CDH18: variants seen among roughly 807,000 people sequenced by gnomAD.
CDH18 encodes the protein cadherin-18.
Under a neutral mutation model 67.9 loss-of-function variants are expected in CDH18, and 31 were observed. The observed-to-expected ratio is 0.46, with a 90% CI of 0.34 to 0.62. The LOEUF (loss-of-function observed/expected upper bound fraction) is 0.62. Among genes scored for constraint, CDH18 ranks in the 20% least tolerant of loss-of-function variants. The probability of loss-of-function intolerance (pLI) is 0.01; values close to 1 mark genes in which losing one functional copy is unlikely to be tolerated. For missense variants in CDH18, 890 were observed against 975.5 expected, an observed-to-expected ratio of 0.91 and a Z score of 1.17; for synonymous variants, 362 against 347.2, an observed-to-expected ratio of 1.04 and a Z score of -0.48.
chr5:19,734,169 A>C (rs1032957330), intron 4 of CDH18, among the ~76,000 whole-genome samples: 2 of 152,222 alleles, frequency 1.3e-5, no homozygotes, highest in African/African-American at 4.8e-5. Context: ...TTTCCAAAAA[A>C]ATGAAACAAA....
At chr5:19,656,172 C>A (rs2150292081) in intron 5 of CDH18, among the ~76,000 whole-genome samples, 1 of 151,930 alleles carries the variant, frequency 6.6e-6, no homozygotes, top group Non-Finnish European at 1.5e-5. Flanking sequence ...TTTCTGAACA[C>A]ATTAAAAAAT....
chr5:19,961,576 A>C (rs1204942574), intron 2 of CDH18, among the ~76,000 whole-genome samples: 1 of 152,176 alleles, frequency 6.6e-6, no homozygotes, highest in Admixed American at 6.5e-5. Context: ...TGTCACCAGC[A>C]CTGGATTTTG....
In CDH18 at chr5:19,474,669, C is replaced by T. The variant is rs150725925; in HGVS notation, c.1883-953G>A. Among the ~76,000 whole-genome samples the T allele has an allele frequency of 2.8e-3, 429 of 152,180 alleles. 3 individuals carry two copies. The highest frequency in any genetic ancestry group is 9.7e-3 in the African/African-American group (403 of 41,520). Reference sequence around the variant, plus strand: ...GAGCTTGTACCATAATGTGATTTCTCGCATCACAGGTAATGATATTTCTAC... The same window carrying T: ...GAGCTTGTACCATAATGTGATTTCTTGCATCACAGGTAATGATATTTCTAC... On this transcript the variant is annotated intron_variant, in intron 12 of 12. Coordinates refer to ENST00000382275, the MANE Select transcript of CDH18 (RefSeq NM_004934.5).
chr5:20,273,492 T>C lies in CDH18; in HGVS notation c.-579-17987A>G, dbSNP rs571054929. 3.3e-5 allele frequency among the ~76,000 whole-genome samples: 5 copies of C among 152,198 alleles called. No individual in the cohort carries two copies. In the South Asian group the frequency reaches 1.0e-3, roughly 32 times the overall value. On this transcript the variant is annotated intron_variant, in intron 1 of 14. Transcript: ENST00000507958. ...GATCAATCATATTACTTACTGAATA[T>C]GCCTTAGTATTACTGCTGTCAATTG...
intron 2 of CDH18, among the ~76,000 whole-genome samples, chr5:19,967,005 T>A (rs541762296): frequency 6.6e-6 from 1 of 152,034 alleles, no homozygotes; most frequent in African/African-American, 2.4e-5. Context: ...ATAATATATT[T>A]GCAACAAGAC....
intron 1 of CDH18, among the ~76,000 whole-genome samples, chr5:20,514,353 C>T (rs1376923174): frequency 6.6e-6 from 1 of 152,076 alleles, no homozygotes; most frequent in Non-Finnish European, 1.5e-5. Context: ...AAGGGATCAT[C>T]TTAGAAGAAG....
chr5:20,049,985 T>C (rs1741270607), intron 2 of CDH18, among the ~76,000 whole-genome samples: 1 of 151,722 alleles, frequency 6.6e-6, no homozygotes. Flanking sequence ...TGACAATGAT[T>C]AAAAATGTGA....
intron 2 of CDH18, among the ~76,000 whole-genome samples, chr5:19,970,468 T>A (rs1797918463): frequency 6.6e-6 from 1 of 151,452 alleles, no homozygotes; most frequent in Admixed American, 6.6e-5. Context: ...TCATTTAAGA[T>A]CACAAGTGAA....
At chr5:19,532,871 A>T (rs1243095647) in intron 9 of CDH18, among the ~76,000 whole-genome samples, 1 of 152,334 alleles carries the variant, frequency 6.6e-6, no homozygotes, top group African/African-American at 2.4e-5. Context: ...TTATATGAGC[A>T]ATCTGGACTA....
At chr5:19,583,499 G>A (rs191981965) in intron 7 of CDH18, among the ~76,000 whole-genome samples, 186 of 152,218 alleles carry the variant, frequency 1.2e-3, no homozygotes, top group African/African-American at 4.1e-3. Context: ...TATACACACG[G>A]TATTTCATTC....
intron 8 of CDH18, among the ~76,000 whole-genome samples, chr5:19,553,011 T>A (rs1243655344): frequency 6.6e-6 from 1 of 152,178 alleles, no homozygotes; most frequent in Non-Finnish European, 1.5e-5. Context: ...ATTATTGAAA[T>A]TAGTACTTCA....
At chr5:20,559,859 A>G (rs1758104711) in intron 1 of CDH18, among the ~76,000 whole-genome samples, 1 of 152,158 alleles carries the variant, frequency 6.6e-6, no homozygotes, top group Admixed American at 6.6e-5. Flanking sequence ...TGCCTTCTCC[A>G]AAGGTAGTAA....
chr5:19,678,614 C>T (rs1759831283), intron 5 of CDH18, among the ~76,000 whole-genome samples: 1 of 151,236 alleles, frequency 6.6e-6, no homozygotes, highest in Non-Finnish European at 1.5e-5. Flanking sequence ...TGGCAGAAGA[C>T]AAAAAAATCA....
chr5:20,416,148 CA>C (rs1441169416), intron 1 of CDH18, among the ~76,000 whole-genome samples: 1 of 151,944 alleles, frequency 6.6e-6, no homozygotes, highest in Non-Finnish European at 1.5e-5. Context: ...GTTCTTTCTA[CA>C]ATAAAAATGA....
In CDH18 at chr5:19,857,567, CA is replaced by C. The variant is rs561077701; in HGVS notation, c.-256-18326del. On this transcript the variant is annotated intron_variant, in intron 2 of 12. Transcript: ENST00000382275. ...TATGTCTTGCTTGGTAGAATGTTAACAAAAAAATATAAATCAGACTAGTAGG... is the reference window on the plus strand; with the variant it reads ...TATGTCTTGCTTGGTAGAATGTTAACAAAAAATATAAATCAGACTAGTAGG... Among the ~76,000 whole-genome samples the C allele has an allele frequency of 1.8e-3, 278 of 152,042 alleles. 1 individual carries two copies. The highest frequency in any genetic ancestry group is 6.1e-3 in the African/African-American group (255 of 41,468).
intron 1 of CDH18, among the ~76,000 whole-genome samples, chr5:20,393,726 C>A (rs1177072803): frequency 1.3e-5 from 2 of 151,984 alleles, no homozygotes; most frequent in South Asian, 2.1e-4. Flanking sequence ...TATACACCAA[C>A]AACAATCAAG....
At chr5:19,648,509 T>A (rs2150255223) in intron 5 of CDH18, among the ~76,000 whole-genome samples, 1 of 152,242 alleles carries the variant, frequency 6.6e-6, no homozygotes, top group South Asian at 2.1e-4. Flanking sequence ...AGTGATCAAT[T>A]TTTATGTTTT....
intron 9 of CDH18, among the ~76,000 whole-genome samples, chr5:19,524,760 TTC>T (rs1747469219): frequency 6.6e-6 from 1 of 152,164 alleles, no homozygotes; most frequent in Admixed American, 6.5e-5. Flanking sequence ...GCTCTTTTTT[TTC>T]TGAGATGGAG....
intron 1 of CDH18, among the ~76,000 whole-genome samples, chr5:20,553,289 T>C (rs557853497): frequency 6.6e-6 from 1 of 152,256 alleles, no homozygotes; most frequent in South Asian, 2.1e-4. Flanking sequence ...TTATTATTTT[T>C]GGTGCTACGT....
Sources: gnomAD v4.1 joint callset for allele counts (sites outside exome capture counted in the v4.1 genomes callset) on GRCh38, gnomAD v4.1.1 for gene constraint, MANE v1.5 for transcripts, NCBI Gene and HGNC (gene_info 2026-07-23, HGNC 2026-07-21) for gene names.